The following ST7 variants were observed in gnomAD, a reference collection of about 807,000 sequenced individuals.
ST7 encodes the protein suppressor of tumorigenicity 7 protein.
In ST7, 28 loss-of-function variants were observed where a neutral mutation model predicts 78.7. The observed-to-expected ratio is 0.36, with a 90% CI of 0.26 to 0.49. The LOEUF is 0.49. Ranked by LOEUF, ST7 falls within the 20% of genes least tolerant of loss-of-function variation. ST7 has a pLI of 0.99. For synonymous variants in ST7, 247 were observed against 249.6 expected (o/e 0.99, Z 0.10); for missense variants, 418 against 696.0 (o/e 0.60, Z 4.49).
chr7:117,080,197 G>T (rs1316643046), intron 1 of ST7, among the ~76,000 whole-genome samples: 1 of 151,492 alleles, frequency 6.6e-6, no homozygotes, highest in Non-Finnish European at 1.5e-5. Flanking sequence ...AGCCAGGATG[G>T]TCTCGATCTC....
In ST7 at chr7:117,104,126, G is replaced by A. The variant is rs370317022; in HGVS notation, c.234+4282G>A. On this transcript the variant is annotated intron_variant, in intron 2 of 15. Transcript: ENST00000323984. The stretch of plus-strand genomic sequence containing the variant: ...GCTGGGACTGCAGGCATGTGCCACC[G>A]TGCCTGGCTAATTTTTGTAAGAAGA... Among the ~76,000 whole-genome samples, 18 of 152,148 alleles carry A rather than the reference G, an allele frequency of 1.2e-4. No individual in the cohort carries two copies. In the South Asian group the frequency reaches 2.5e-3, roughly 21 times the overall value.
chr7:117,135,686 A>G (rs1290156398), intron 7 of ST7, among the ~76,000 whole-genome samples: 1 of 152,100 alleles, frequency 6.6e-6, no homozygotes, highest in African/African-American at 2.4e-5. Flanking sequence ...GCTGACATTT[A>G]TTGAGCACTT....
At chr7:117,108,394 C>T (rs567993644) in intron 2 of ST7, among the ~76,000 whole-genome samples, 2 of 152,022 alleles carry the variant, frequency 1.3e-5, no homozygotes, top group East Asian at 1.9e-4. Context: ...CAAGATCAGT[C>T]GACTGTAAGT....
At chr7:117,227,786 G>T (rs770920530) in intron 15 of ST7, among the ~76,000 whole-genome samples, 1 of 152,128 alleles carries the variant, frequency 6.6e-6, no homozygotes, top group African/African-American at 2.4e-5. Context: ...AACTGAAAAA[G>T]ATAGGCCATC....
At chr7:117,218,934 A>G (rs775933366) in intron 13 of ST7, 150 bp from the exon 14 acceptor site, 44 of 614,044 alleles carry the variant, frequency 7.2e-5, no homozygotes, top group Non-Finnish European at 1.1e-4. Context: ...TATCTCTGAC[A>G]TTTCATCTGG....
intron 12 of ST7, among the ~76,000 whole-genome samples, chr7:117,201,227 C>T (rs1810815516): frequency 6.6e-6 from 1 of 152,002 alleles, no homozygotes; most frequent in African/African-American, 2.4e-5. Flanking sequence ...ATATTTTGTT[C>T]CAAAGCTTTT....
chr7:117,147,846 A>G (rs1031039600), intron 9 of ST7, among the ~76,000 whole-genome samples: 6 of 151,860 alleles, frequency 4.0e-5, no homozygotes, highest in Non-Finnish European at 8.8e-5. Context: ...AGTATGTTTT[A>G]CCCCTCGTCA....
chr7:117,021,240 G>T (rs1795897403), intron 1 of ST7, among the ~76,000 whole-genome samples: 1 of 151,670 alleles, frequency 6.6e-6, no homozygotes, highest in South Asian at 2.1e-4. Context: ...AAATTGCTTT[G>T]GTGCAGAGAA....
intron 1 of ST7, among the ~76,000 whole-genome samples, chr7:117,076,165 C>T (rs1799323189): frequency 6.6e-6 from 1 of 152,206 alleles, no homozygotes. Flanking sequence ...CAATACTTGC[C>T]ACCTTAGTGA....
chr7:117,066,624 G>A (rs1347071866), intron 1 of ST7, among the ~76,000 whole-genome samples: 1 of 151,934 alleles, frequency 6.6e-6, no homozygotes, highest in Non-Finnish European at 1.5e-5. Flanking sequence ...AGCTGGGTGT[G>A]GTGGTGTGCA....
intron 2 of ST7, among the ~76,000 whole-genome samples, chr7:117,103,415 G>A (rs974161568): frequency 6.6e-6 from 1 of 152,164 alleles, no homozygotes; most frequent in Non-Finnish European, 1.5e-5. Flanking sequence ...ACATAGCAAT[G>A]GAACAGAGTA....
At chr7:116,983,066 T>C (rs1348035743) in intron 1 of ST7, among the ~76,000 whole-genome samples, 1 of 152,004 alleles carries the variant, frequency 6.6e-6, no homozygotes, top group Non-Finnish European at 1.5e-5. Flanking sequence ...GCCTGGCTAA[T>C]TTTGTATTTT....
At chr7:117,154,464 T>C (rs1806533741) in intron 9 of ST7, among the ~76,000 whole-genome samples, 1 of 152,154 alleles carries the variant, frequency 6.6e-6, no homozygotes, top group Admixed American at 6.6e-5. Flanking sequence ...GGAAGATGGA[T>C]CTGGATGCAG....
chr7:116,959,140 G>A (rs1406499333), intron 1 of ST7: 1 of 461,830 alleles, frequency 2.2e-6, no homozygotes, highest in East Asian at 6.9e-5. Flanking sequence ...TAAATCCTTT[G>A]TTGTCATTTC....
At chr7:117,184,562 C>A (rs958342583) in intron 10 of ST7, among the ~76,000 whole-genome samples, 1 of 152,192 alleles carries the variant, frequency 6.6e-6, no homozygotes, top group African/African-American at 2.4e-5. Flanking sequence ...AGCATGAAGT[C>A]ATAGCAGGCA....
intron 1 of ST7, among the ~76,000 whole-genome samples, chr7:117,029,866 A>G (rs761499449): frequency 1.3e-5 from 2 of 151,692 alleles, no homozygotes; most frequent in African/African-American, 2.4e-5. Flanking sequence ...TTCACCCTAT[A>G]TTTCTAGTCT....
chr7:117,001,797 T>A (rs1794942709), intron 1 of ST7, among the ~76,000 whole-genome samples: 1 of 152,134 alleles, frequency 6.6e-6, no homozygotes, highest in African/African-American at 2.4e-5. Flanking sequence ...TCCAATACCA[T>A]AGTAATGGCA....
Position 117,229,864 on chromosome 7 carries a change from C to A in ST7, c.*7C>A, listed in dbSNP as rs768317384. The A allele has an allele frequency of 6.2e-7, 1 of 1,612,298 alleles. No individual in the cohort carries two copies. The highest frequency in any genetic ancestry group is 1.7e-5 in the Admixed American group (1 of 60,030). ...CCAGCTAACACGGATCTGAGAGAAG[C>A]CCTGTCCTCCACTCACCTCACCCGC... is the stretch of plus-strand genomic sequence containing the variant. On this transcript the variant is annotated 3_prime_UTR_variant, in exon 16 of 16. Coordinates refer to ENST00000323984, the MANE Select transcript of ST7 (RefSeq NM_001369598.1).
chr7:117,093,778 G>A (rs78440151), intron 1 of ST7, among the ~76,000 whole-genome samples: 11,421 of 152,228 alleles, frequency 0.075, 522 homozygotes, highest in Middle Eastern at 0.15. Flanking sequence ...GAGGTCTGCC[G>A]TATTAGGCAC....
Sources: gnomAD v4.1 joint callset for allele counts (sites outside exome capture counted in the v4.1 genomes callset) on GRCh38, gnomAD v4.1.1 for gene constraint, MANE v1.5 for transcripts, NCBI Gene and HGNC (gene_info 2026-07-23, HGNC 2026-07-21) for gene names.